The following SYTL5 variants were observed in gnomAD, a reference collection of about 807,000 sequenced individuals.
SYTL5 encodes synaptotagmin-like protein 5.
SYTL5 carries 34 observed loss-of-function variants against 55.9 expected under a neutral mutation model. That is an observed-to-expected ratio of 0.61 (90% CI 0.46 to 0.81). The LOEUF is 0.81. Ranked by LOEUF, SYTL5 falls within the 30% of genes least tolerant of loss-of-function variation. The pLI, the probability that SYTL5 is intolerant of heterozygous loss-of-function variation, is 0.00. For missense variants in SYTL5, 637 were observed against 546.7 expected, an observed-to-expected ratio of 1.17 and a Z score of -1.65; for synonymous variants, 221 against 188.7, an observed-to-expected ratio of 1.17 and a Z score of -1.40.
chrX:38,088,496 C>A (rs1323385333), intron 6 of SYTL5, among the ~76,000 whole-genome samples: 1 of 111,947 alleles, frequency 8.9e-6, no homozygotes, highest in Admixed American at 9.5e-5. Flanking sequence ...ACAAACACTT[C>A]TCTTAAACTC....
At chrX:37,941,374 G>A in the SYTL5 span, among the ~76,000 whole-genome samples, 6 of 111,438 alleles carry the variant, frequency 5.4e-5, no homozygotes, top group Admixed American at 2.9e-4. Flanking sequence ...CATCATTGAC[G>A]TTAACATAAT....
intron 1 of SYTL5, among the ~76,000 whole-genome samples, chrX:38,014,193 A>C (rs1934277385): frequency 1.8e-5 from 2 of 112,157 alleles, no homozygotes; most frequent in South Asian, 7.3e-4. Flanking sequence ...ACACACACAC[A>C]CCTGTGTGTT....
chrX:37,999,089 T>C, the SYTL5 span, among the ~76,000 whole-genome samples: 3 of 112,373 alleles, frequency 2.7e-5, no homozygotes, highest in Admixed American at 2.8e-4. Context: ...GTCAGACTGG[T>C]ATACACCCTG....
the SYTL5 span, among the ~76,000 whole-genome samples, chrX:37,928,962 A>G: frequency 2.7e-5 from 3 of 112,235 alleles, no homozygotes; most frequent in Middle Eastern, 4.2e-3. Flanking sequence ...AGCAGGACTA[A>G]AAGTTGCTAT....
chrX:37,933,290 T>C, the SYTL5 span, among the ~76,000 whole-genome samples: 6 of 111,565 alleles, frequency 5.4e-5, no homozygotes, highest in African/African-American at 2.0e-4. Flanking sequence ...TCAAGAACAA[T>C]GGCTAAAACT....
Position 38,102,390 on chromosome X carries a change from C to A in SYTL5, c.1111C>A (p.Gln371Lys), listed in dbSNP as rs758841226. The A allele has an allele frequency of 8.3e-7, 1 of 1,208,870 alleles. No homozygotes were observed. Among genetic ancestry groups the A allele is most frequent in the Non-Finnish European group, 1.1e-6 (1 of 893,154 alleles). Reference protein sequence around the residue: ...EESIDALVSSQLSTNTHRLAS... With the variant: ...EESIDALVSSKLSTNTHRLAS... ...AAGCATTGATGCCTTAGTGTCCTCG[C>A]AGTTATCTACAAACACTCACCGTCT... Residue 371 changes from glutamine to lysine, a missense_variant, in exon 10 of 17, where the codon CAG (glutamine) becomes AAG (lysine). Gln to Lys is a moderately conservative substitution (Grantham distance 53). Coordinates refer to ENST00000297875, the MANE Select transcript of SYTL5 (RefSeq NM_138780.3).
the SYTL5 span, among the ~76,000 whole-genome samples, chrX:37,976,804 A>G: frequency 9.3e-6 from 1 of 107,369 alleles, no homozygotes; most frequent in Non-Finnish European, 1.9e-5. Flanking sequence ...AAATACAAAA[A>G]AAAAAAAAAA....
intron 9 of SYTL5, among the ~76,000 whole-genome samples, chrX:38,098,306 C>G (rs1397672069): frequency 9.0e-6 from 1 of 111,183 alleles, no homozygotes; most frequent in Non-Finnish European, 1.9e-5. Context: ...TGTTAAAGGA[C>G]TTGTATCTAG....
rs1441225654 is a variant in SYTL5 at position 38,031,222 on chromosome X, T to C, written c.-356-2312T>C. ...CAAAACTTGATAGAGTTTTGGCTACTTCTGATCTCCTTAGCCACCCATTTA... is the reference window on the plus strand; with the variant it reads ...CAAAACTTGATAGAGTTTTGGCTACCTCTGATCTCCTTAGCCACCCATTTA... On this transcript the variant is annotated intron_variant, in intron 1 of 16. Coordinates refer to ENST00000297875, the MANE Select transcript of SYTL5 (RefSeq NM_138780.3). 2.7e-5 allele frequency among the ~76,000 whole-genome samples: 3 copies of C among 112,227 alleles called. No individual in the cohort carries two copies. The Admixed American group carries it at 2.8e-4, about 11-fold the overall frequency.
the SYTL5 span, among the ~76,000 whole-genome samples, chrX:37,961,113 C>T: frequency 9.0e-6 from 1 of 111,244 alleles, no homozygotes. Flanking sequence ...CTCTACCCAT[C>T]ACCCAATTCC....
At chrX:38,072,439 G>T (rs956475971) in intron 4 of SYTL5, among the ~76,000 whole-genome samples, 6 of 112,438 alleles carry the variant, frequency 5.3e-5, no homozygotes, top group Admixed American at 1.9e-4. Flanking sequence ...CTTTCTGAAT[G>T]CATCCAATAT....
the SYTL5 span, among the ~76,000 whole-genome samples, chrX:37,986,501 C>G: frequency 4.5e-5 from 5 of 112,264 alleles, no homozygotes; most frequent in Admixed American, 1.9e-4. Context: ...AGGGGTCGAT[C>G]TTTAACTACC....
intron 1 of SYTL5, among the ~76,000 whole-genome samples, chrX:38,007,407 A>G (rs1934026869): frequency 9.0e-6 from 1 of 111,585 alleles, no homozygotes. Flanking sequence ...CCTCATTTAA[A>G]TGAAAAACGT....
chrX:37,909,991 T>A, the SYTL5 span, among the ~76,000 whole-genome samples: 1 of 111,098 alleles, frequency 9.0e-6, no homozygotes, highest in African/African-American at 3.3e-5. Flanking sequence ...GTTTTTAAAA[T>A]CAAGATTTAT....
At chrX:38,108,406 A>G (rs1937268412) in intron 11 of SYTL5, among the ~76,000 whole-genome samples, 194 bp from the exon 12 acceptor site, 1 of 111,637 alleles carries the variant, frequency 9.0e-6, no homozygotes, top group South Asian at 3.8e-4. Context: ...TTTTATCATT[A>G]TACTTTACCA....
At chrX:38,006,116 A>C (rs1025151043), upstream of SYTL5, among the ~76,000 whole-genome samples, 1 of 111,876 alleles carries the variant, frequency 8.9e-6, no homozygotes, top group Admixed American at 9.5e-5. Flanking sequence ...TAACTGGGTG[A>C]CTGTGGGCAG....
intron 13 of SYTL5, among the ~76,000 whole-genome samples, chrX:38,119,019 GC>G (rs1350637921): frequency 9.8e-6 from 1 of 102,018 alleles, no homozygotes; most frequent in Non-Finnish European, 1.9e-5. Context: ...TCACTGTGTT[GC>G]CCAGGCTGGT....
intron 2 of SYTL5, among the ~76,000 whole-genome samples, chrX:38,040,424 A>G (rs970420895): frequency 1.8e-5 from 2 of 110,077 alleles, no homozygotes; most frequent in Non-Finnish European, 3.8e-5. Flanking sequence ...GGTCTTATTC[A>G]TACTTTCTAT....
In SYTL5 at chrX:38,069,810, G is replaced by A. The variant is rs143668823; in HGVS notation, c.330-2237G>A. Among the ~76,000 whole-genome samples the A allele has an allele frequency of 9.1e-3, 1,017 of 111,758 alleles. 5 individuals carry two copies. The highest frequency in any genetic ancestry group is 0.034 in the South Asian group (92 of 2,678). ...AGCCAAGAAACAGGAGACATCTTTC[G>A]AATTTAGAATACCACAATTGTCACC... On this transcript the variant is annotated intron_variant, in intron 3 of 16. Transcript: ENST00000297875.
Sources: allele counts gnomAD v4.1 joint callset (sites outside exome capture counted in the v4.1 genomes callset), GRCh38; gene constraint gnomAD v4.1.1; transcripts MANE v1.5; gene names NCBI Gene and HGNC (gene_info 2026-07-23, HGNC 2026-07-21).